The following SGSM3 variants were observed in gnomAD, a reference collection of about 807,000 sequenced individuals.
SGSM3 encodes the protein small G protein signaling modulator 3.
Under a neutral mutation model 100.5 loss-of-function variants are expected in SGSM3, and 96 were observed. That is an observed-to-expected ratio of 0.96 (90% CI 0.81 to 1.13). The LOEUF is 1.13. Ranked by LOEUF, SGSM3 falls within the 50% of genes most tolerant of loss-of-function variation. The probability of loss-of-function intolerance (pLI) is 0.00; values close to 1 mark genes in which losing one functional copy is unlikely to be tolerated. For synonymous variants in SGSM3, 483 were observed against 422.8 expected (o/e 1.14, Z -1.75); for missense variants, 1,001 against 1,015.8 (o/e 0.99, Z 0.20).
chr22:40,396,114 C>CT (rs1284495577), intron 1 of SGSM3, among the ~76,000 whole-genome samples: 1 of 152,138 alleles, frequency 6.6e-6, no homozygotes, highest in Admixed American at 6.5e-5. Flanking sequence ...CATTTATTGT[C>CT]TGATTTTACC....
At chr22:40,405,118 G>T (rs745330729) in intron 6 of SGSM3, 23 bp from the exon 7 acceptor site, 1 of 1,482,648 alleles carries the variant, frequency 6.7e-7, no homozygotes, top group South Asian at 1.4e-5. Context: ...TTGTTATTGT[G>T]GGTGCCGATG....
chr22:40,386,158 A>G (rs938919310), intron 1 of SGSM3, among the ~76,000 whole-genome samples: 13 of 152,028 alleles, frequency 8.6e-5, no homozygotes, highest in Admixed American at 8.5e-4. Context: ...GGGATCACAA[A>G]TGTGAGCCAC....
chr22:40,399,174 CAG>C (rs1356056537), intron 1 of SGSM3, among the ~76,000 whole-genome samples: 1 of 141,338 alleles, frequency 7.1e-6, no homozygotes, highest in Non-Finnish European at 1.5e-5. Flanking sequence ...TTAGTAGAGA[CAG>C]GGTTTCACCA....
At chr22:40,404,197 A>G in intron 4 of SGSM3, 50 bp from the exon 5 acceptor site, 2 of 1,443,436 alleles carry the variant, frequency 1.4e-6, no homozygotes, top group Non-Finnish European at 1.9e-6. Context: ...TGCTTGGAGA[A>G]CACGTAGTAG....
At position 40,408,973 on chromosome 22, in the gene SGSM3, C is replaced by T. The variant is rs1275811852; in HGVS notation, c.1943C>T (p.Ala648Val). 1.3e-6 allele frequency: 2 copies of T among 1,597,536 alleles called. No homozygotes were observed. Among genetic ancestry groups the T allele is most frequent in the Non-Finnish European group, 1.7e-6 (2 of 1,171,994 alleles). ...SVNVTHDAVH[A>V]QMDVKLRSLI... ...AACGTGACCCACGATGCAGTGCATG[C>T]ACAAATGGATGTGAAGCTCCGCTCA... The change falls in exon 19 of 22, where the codon GCA (alanine) becomes GTA (valine). Residue 648 changes from alanine to valine, a missense_variant. Ala to Val is a moderately conservative substitution (Grantham distance 64). Transcript: ENST00000248929.
chr22:40,382,662 G>A (rs1382332277), intron 1 of SGSM3, among the ~76,000 whole-genome samples: 1 of 152,212 alleles, frequency 6.6e-6, no homozygotes, highest in Non-Finnish European at 1.5e-5. Flanking sequence ...TGGGTTCACG[G>A]GGAGTGGATG....
In SGSM3 at chr22:40,408,131, T is replaced by TGGGGGGGG; in HGVS notation, c.1629+14_1629+15insGGGGGGGG. On this transcript the variant is annotated intron_variant, in intron 15 of 21. Transcript: ENST00000248929. ...GAGCGCAGCAAAGAGGTGAGGGGGG[T>TGGGGGGGG]GGGCGGGCTAGGCACGGCTGGCACC... The TGGGGGGGG allele has an allele frequency of 1.2e-6, 1 of 856,280 alleles. No homozygotes were observed. The highest frequency in any genetic ancestry group is 1.8e-6 in the Non-Finnish European group (1 of 552,962). The allele number at this position is 856,280 out of a possible 1,614,324, so 53.0% of individuals were successfully genotyped here. A position where few individuals can be genotyped will look rare whatever the true frequency, so the allele number is the denominator to read the frequency against.
At chr22:40,389,600 G>GAAAAA (rs71326802) in intron 1 of SGSM3, among the ~76,000 whole-genome samples, 1 of 33,648 alleles carries the variant, frequency 3.0e-5, no homozygotes, top group African/African-American at 1.3e-4. Flanking sequence ...CTCCGTCTCA[G>GAAAAA]AAAAAAAAAA....
intron 1 of SGSM3, among the ~76,000 whole-genome samples, chr22:40,384,732 GAT>G (rs1277348481): frequency 1.3e-5 from 2 of 152,216 alleles, no homozygotes; most frequent in African/African-American, 4.8e-5. Context: ...AGTAAGCTGA[GAT>G]AGCGCCATTG....
rs771354434 is a variant in SGSM3 at position 40,404,434 on chromosome 22, C to A, written c.345C>A (p.Ile115=). ...EKLRSLVLAG[I]PHGMRPQLWM... is the part of the protein sequence containing the mutation. ...TCCGCTCCCTGGTGCTGGCCGGCAT[C>A]CCACATGGCATGAGGCCACAGGTAA... The change falls in exon 5 of 22, where the codon ATC becomes ATA. Residue 115 remains isoleucine, a synonymous_variant. Transcript: ENST00000248929. 109 of 1,604,808 alleles carry A rather than the reference C, an allele frequency of 6.8e-5. No individual in the cohort carries two copies. The highest frequency in any genetic ancestry group is 8.9e-5 in the Non-Finnish European group (104 of 1,174,938).
Position 40,408,787 on chromosome 22 carries a change from C to T in SGSM3, c.1854-7C>T. ...CCGGCACCCCAGGAGCTTTGGTGTCCCCTCAGGTTGGATGAAGATGGCAAA... is the reference window on the plus strand; with the variant it reads ...CCGGCACCCCAGGAGCTTTGGTGTCTCCTCAGGTTGGATGAAGATGGCAAA... On this transcript the variant is annotated splice_polypyrimidine_tract_variant and splice_region_variant and intron_variant, in intron 17 of 21. Transcript: ENST00000248929. 1 of 1,613,794 alleles carries T rather than the reference C, an allele frequency of 6.2e-7. No homozygotes were observed. The highest frequency in any genetic ancestry group is 8.5e-7 in the Non-Finnish European group (1 of 1,180,018).
chr22:40,408,527 G>A (rs1323330826), intron 16 of SGSM3, 98 bp downstream of exon 16: 1 of 1,589,932 alleles, frequency 6.3e-7, no homozygotes, highest in African/African-American at 1.3e-5. Context: ...AGAGAGGATG[G>A]GAAGAGCTGG....
intron 1 of SGSM3, among the ~76,000 whole-genome samples, chr22:40,381,172 G>C (rs138956198): frequency 1.3e-5 from 2 of 151,514 alleles, no homozygotes; most frequent in African/African-American, 4.8e-5. Flanking sequence ...TTTTGAGACA[G>C]GGCCTCATTC....
intron 1 of SGSM3, among the ~76,000 whole-genome samples, chr22:40,374,054 G>A (rs1291059577): frequency 6.6e-6 from 1 of 152,024 alleles, no homozygotes; most frequent in Non-Finnish European, 1.5e-5. Context: ...GTTTATTTAC[G>A]CCATTCTCCT....
intron 1 of SGSM3, among the ~76,000 whole-genome samples, chr22:40,375,939 G>A (rs1214323228): frequency 6.6e-6 from 1 of 151,670 alleles, no homozygotes; most frequent in African/African-American, 2.4e-5. Flanking sequence ...TACTCAGGAT[G>A]CTGAGGCAAG....
intron 1 of SGSM3, chr22:40,378,145 G>A (rs2046961954): frequency 6.6e-6 from 1 of 152,142 alleles, no homozygotes. Flanking sequence ...GTAATCTAAT[G>A]GGGACTGGGT....
Position 40,404,431 on chromosome 22 carries a change from C to A in SGSM3, c.342C>A (p.Gly114=). The A allele has an allele frequency of 6.2e-7, 1 of 1,604,654 alleles. No individual in the cohort carries two copies. The highest frequency in any genetic ancestry group is 1.1e-5 in the South Asian group (1 of 89,646). The change falls in exon 5 of 22, where the codon GGC becomes GGA. Residue 114 remains glycine, a synonymous_variant. Transcript: ENST00000248929. ...AGCTCCGCTCCCTGGTGCTGGCCGGCATCCCACATGGCATGAGGCCACAGG... is the reference window on the plus strand; with the variant it reads ...AGCTCCGCTCCCTGGTGCTGGCCGGAATCCCACATGGCATGAGGCCACAGG... The part of the protein sequence containing the change: ...SEKLRSLVLA[G]IPHGMRPQLW...
At chr22:40,379,112 T>G (rs2047133684) in intron 1 of SGSM3, among the ~76,000 whole-genome samples, 1 of 152,210 alleles carries the variant, frequency 6.6e-6, no homozygotes, top group African/African-American at 2.4e-5. Context: ...ACATACAGTG[T>G]GGTCTCTTAT....
At chr22:40,403,629 C>T (rs565250685) in intron 4 of SGSM3, among the ~76,000 whole-genome samples, 48 of 152,238 alleles carry the variant, frequency 3.2e-4, no homozygotes, top group African/African-American at 1.1e-3. Flanking sequence ...AGGAAAATGG[C>T]AGGGGGTGAG....
Sources: gnomAD v4.1 joint callset for allele counts (sites outside exome capture counted in the v4.1 genomes callset) on GRCh38, gnomAD v4.1.1 for gene constraint, MANE v1.5 for transcripts, NCBI Gene and HGNC (gene_info 2026-07-23, HGNC 2026-07-21) for gene names.